The following SPMAP2L variants were observed in gnomAD, a reference collection of about 807,000 sequenced individuals.
SPMAP2L encodes sperm microtubule associated protein 2-like.
the SPMAP2L span, chr4:56,600,932 A>G: frequency 5.2e-6 from 8 of 1,533,662 alleles, no homozygotes; most frequent in Non-Finnish European, 7.0e-6. Context: ...TTTCCACTAT[A>G]GGTACCTCCT....
the SPMAP2L span, among the ~76,000 whole-genome samples, chr4:56,614,306 A>G: frequency 6.6e-6 from 1 of 152,322 alleles, no homozygotes; most frequent in Admixed American, 6.5e-5. Flanking sequence ...GTGGAAAAAT[A>G]TAAGTCATGT....
chr4:56,583,221 C>T, the SPMAP2L span, among the ~76,000 whole-genome samples: 3 of 151,904 alleles, frequency 2.0e-5, no homozygotes, highest in East Asian at 3.9e-4. Context: ...TTAGAGTGAG[C>T]CCAGATAGTG....
At chr4:56,552,505 T>C in the SPMAP2L span, 1 of 1,073,860 alleles carries the variant, frequency 9.3e-7, no homozygotes, top group South Asian at 1.3e-5. Flanking sequence ...TGTAACCACA[T>C]TTCTTAAGCA....
At chr4:56,596,489 T>G in the SPMAP2L span, 2 of 1,505,080 alleles carry the variant, frequency 1.3e-6, no homozygotes, top group Non-Finnish European at 1.8e-6. Flanking sequence ...TGTTTTATTT[T>G]TCTCCCCTAG....
At chr4:56,531,519 C>A in the SPMAP2L span, among the ~76,000 whole-genome samples, 2 of 152,240 alleles carry the variant, frequency 1.3e-5, no homozygotes, top group African/African-American at 4.8e-5. Flanking sequence ...TGAATGTTAC[C>A]CTTATTAGAG....
At chr4:56,603,419 C>T in the SPMAP2L span, 9 of 744,750 alleles carry the variant, frequency 1.2e-5, no homozygotes, top group Non-Finnish European at 4.0e-6. Flanking sequence ...TTTACATTCA[C>T]CCCTTGCTTC....
the SPMAP2L span, among the ~76,000 whole-genome samples, chr4:56,604,558 T>C: frequency 6.6e-6 from 1 of 151,532 alleles, no homozygotes; most frequent in Non-Finnish European, 1.5e-5. Context: ...CTCAGGAGGC[T>C]GAGGCAGGAG....
chr4:56,560,595 TCA>T, the SPMAP2L span, among the ~76,000 whole-genome samples: 1 of 152,294 alleles, frequency 6.6e-6, no homozygotes, highest in East Asian at 1.9e-4. Flanking sequence ...CAAGTTTGTA[TCA>T]TTTTTTAAAA....
At chr4:56,575,518 C>T in the SPMAP2L span, 1 of 1,535,352 alleles carries the variant, frequency 6.5e-7, no homozygotes, top group Non-Finnish European at 8.7e-7. Context: ...TCAATACTAC[C>T]ACAGCTGTGG....
At chr4:56,621,812 G>C in the SPMAP2L span, among the ~76,000 whole-genome samples, 1 of 152,302 alleles carries the variant, frequency 6.6e-6, no homozygotes, top group East Asian at 1.9e-4. Flanking sequence ...AAATTGGAGT[G>C]GCTGCCAGGG....
the SPMAP2L span, among the ~76,000 whole-genome samples, chr4:56,600,615 G>C: frequency 6.6e-6 from 1 of 152,170 alleles, no homozygotes; most frequent in Non-Finnish European, 1.5e-5. Flanking sequence ...AAGCCTGGTA[G>C]CGATATGATC....
At chr4:56,560,955 A>C in the SPMAP2L span, among the ~76,000 whole-genome samples, 2 of 152,134 alleles carry the variant, frequency 1.3e-5, no homozygotes, top group Non-Finnish European at 2.9e-5. Context: ...CATGTTGGCC[A>C]GGCTGGTCTC....
the SPMAP2L span, among the ~76,000 whole-genome samples, chr4:56,606,888 G>A: frequency 2.0e-5 from 3 of 152,208 alleles, no homozygotes; most frequent in African/African-American, 7.2e-5. Flanking sequence ...GGTAGGCCAA[G>A]TTAGGAGGTT....
the SPMAP2L span, among the ~76,000 whole-genome samples, chr4:56,576,050 A>G: frequency 6.6e-6 from 1 of 152,164 alleles, no homozygotes; most frequent in African/African-American, 2.4e-5. Context: ...CATGGGAGCT[A>G]AGATTGTGAT....
the SPMAP2L span, among the ~76,000 whole-genome samples, chr4:56,580,935 G>A: frequency 6.6e-6 from 1 of 152,072 alleles, no homozygotes; most frequent in Non-Finnish European, 1.5e-5. Context: ...GCCTTTAAAA[G>A]GAAGAAAATT....
At chr4:56,624,169 G>C in the SPMAP2L span, among the ~76,000 whole-genome samples, 7 of 152,334 alleles carry the variant, frequency 4.6e-5, no homozygotes, top group South Asian at 1.2e-3. Context: ...AAAGAGACTG[G>C]CAGCATTTTG....
At chr4:56,593,781 A>C in the SPMAP2L span, 2 of 1,586,438 alleles carry the variant, frequency 1.3e-6, no homozygotes, top group Non-Finnish European at 1.7e-6. Context: ...ACTGAGAGAG[A>C]CATGGCTACC....
At chr4:56,611,011 T>C in the SPMAP2L span, among the ~76,000 whole-genome samples, 1 of 152,162 alleles carries the variant, frequency 6.6e-6, no homozygotes, top group Non-Finnish European at 1.5e-5. Context: ...CAAACTAGCA[T>C]AACCCCTGTG....
the SPMAP2L span, among the ~76,000 whole-genome samples, chr4:56,625,339 AC>A: frequency 6.6e-6 from 1 of 152,150 alleles, no homozygotes; most frequent in Non-Finnish European, 1.5e-5. Context: ...GAGACTTTGT[AC>A]TGTGCACTTT....
Sources: allele counts gnomAD v4.1 joint callset (sites outside exome capture counted in the v4.1 genomes callset), GRCh38; gene constraint gnomAD v4.1.1; transcripts MANE v1.5; gene names NCBI Gene and HGNC (gene_info 2026-07-23, HGNC 2026-07-21).